The following LRP2 variants were observed in gnomAD, a reference collection of about 807,000 sequenced individuals.
LRP2 encodes the protein low-density lipoprotein receptor-related protein 2.
A neutral mutation model predicts 531.0 loss-of-function variants in LRP2; 172 were observed. The ratio of observed to expected loss-of-function variants is 0.32; its 90% confidence interval spans 0.29 to 0.37. LRP2 has a LOEUF of 0.37. LRP2 is among the 10% of genes least tolerant of loss of function. LRP2 has a pLI of 1.00. For synonymous variants in LRP2, 1,992 were observed against 2,027.6 expected (o/e 0.98, Z 0.47); for missense variants, 5,167 against 5,868.3 (o/e 0.88, Z 3.90).
intron 22 of LRP2, 112 bp downstream of exon 22, chr2:169,244,581 T>A: frequency 7.1e-7 from 1 of 1,406,250 alleles, no homozygotes; most frequent in Non-Finnish European, 1.0e-6. Context: ...ATAGAAGTAC[T>A]AAAGAGACAA....
In LRP2 at chr2:169,200,533, G is replaced by A. The variant is rs139566898; in HGVS notation, c.8452+1095C>T. Among the ~76,000 whole-genome samples, 1,107 of 151,884 alleles carry A rather than the reference G, an allele frequency of 7.3e-3. 10 individuals are homozygous for A. Among genetic ancestry groups the A allele is most frequent in the African/African-American group, 0.025 (1,051 of 41,414 alleles). ...CCATTGGCCTAAGTTTGGACAACTGGGCACCAAGAAAAAACAGTTGACAGC... is the reference window on the plus strand; with the variant it reads ...CCATTGGCCTAAGTTTGGACAACTGAGCACCAAGAAAAAACAGTTGACAGC... On this transcript the variant is annotated intron_variant, in intron 44 of 78. Transcript: ENST00000649046.
chr2:169,142,655 G>T lies in LRP2; in HGVS notation c.13108+19C>A. The T allele has an allele frequency of 1.2e-6, 2 of 1,613,178 alleles. No homozygotes were observed. The highest frequency in any genetic ancestry group is 2.2e-5 in the East Asian group (1 of 44,848). On this transcript the variant is annotated intron_variant, in intron 71 of 78. Transcript: ENST00000649046. The stretch of plus-strand genomic sequence containing the variant: ...GGAGTGCTCCCAGGCCCCCATAGCT[G>T]CTTGGGCAGTGCTCCTACCTGCATC...
In LRP2 at chr2:169,292,385, A is replaced by C. The variant is rs1684020354; in HGVS notation, c.653-16T>G. Reference sequence around the variant, plus strand: ...GTCGGATAGTCTGGAATAAAGCAACAGCTGCACTCCAAAGACACAAATCAC... The same window carrying C: ...GTCGGATAGTCTGGAATAAAGCAACCGCTGCACTCCAAAGACACAAATCAC... On this transcript the variant is annotated splice_polypyrimidine_tract_variant and intron_variant, in intron 6 of 78. Transcript: ENST00000649046. 6.7e-7 allele frequency: 1 copy of C among 1,489,898 alleles called. No homozygotes were observed. The highest frequency in any genetic ancestry group is 1.4e-5 in the African/African-American group (1 of 72,464). 92.3% of individuals were successfully genotyped at this position (1,489,898 alleles called of 1,614,324 possible). A position where few individuals can be genotyped will look rare whatever the true frequency, so the allele number is the denominator to read the frequency against.
At chr2:169,206,245 T>C (rs2105332436) in intron 39 of LRP2, 57 bp from the exon 40 acceptor site, 2 of 1,612,250 alleles carry the variant, frequency 1.2e-6, no homozygotes, top group Admixed American at 1.7e-5. Context: ...TAGAGTCTCA[T>C]ATGCATTAGA....
At chr2:169,183,453 T>G (rs759273176) in intron 50 of LRP2, among the ~76,000 whole-genome samples, 3 of 152,178 alleles carry the variant, frequency 2.0e-5, no homozygotes, top group Non-Finnish European at 4.4e-5. Context: ...ATGCCAGGCC[T>G]CAGACCAGGG....
rs1469575892 is a variant in LRP2 at position 169,156,402 on chromosome 2, A to T, written c.12023T>A (p.Ile4008Asn). 1 of 1,613,432 alleles carries T rather than the reference A, an allele frequency of 6.2e-7. No individual in the cohort carries two copies. The highest frequency in any genetic ancestry group is 1.7e-5 in the Admixed American group (1 of 59,964). The stretch of plus-strand genomic sequence containing the variant: ...AGTCCCAAATTGTTCACATTCATTG[A>T]TATCTGTAGGCAAAATAAAACCAAA... ...NVFDRTSCLD[I>N]NECEQFGTCP... The change falls in exon 65 of 79, where the codon ATC becomes AAC. Residue 4008 changes from isoleucine to asparagine, a missense_variant. This residue lies in a region of LRP2 where 564 missense variants were observed against 747.7 expected (regional missense o/e 0.75). Transcript: ENST00000649046.
chr2:169,272,269 G>A (rs1468237019), intron 15 of LRP2, among the ~76,000 whole-genome samples: 2 of 152,094 alleles, frequency 1.3e-5, no homozygotes, highest in African/African-American at 4.8e-5. Context: ...TGGCTTAAGT[G>A]TGAATAGATG....
chr2:169,162,355 C>G (rs942726923), intron 63 of LRP2, 117 bp downstream of exon 63: 20 of 1,249,448 alleles, frequency 1.6e-5, no homozygotes, highest in Admixed American at 1.0e-4. Context: ...GACTGGAATT[C>G]AAGCAAAAAG....
chr2:169,211,437 C>G (rs11689553), intron 37 of LRP2, among the ~76,000 whole-genome samples: 26,815 of 152,158 alleles, frequency 0.18, 3,184 homozygotes, highest in Admixed American at 0.33. Flanking sequence ...TAAAGAGGGA[C>G]TGACACTGTG....
chr2:169,216,236 T>C lies in LRP2; in HGVS notation c.5826+17A>G. On this transcript the variant is annotated intron_variant, in intron 35 of 78. Transcript: ENST00000649046. ...CAGCTCAGCATAAAGACCAAAAGAC[T>C]GAAAGGGTGCTCATACCACTCCTCT... is the stretch of plus-strand genomic sequence containing the variant. 6.2e-7 allele frequency: 1 copy of C among 1,612,928 alleles called. No individual in the cohort carries two copies. The highest frequency in any genetic ancestry group is 8.5e-7 in the Non-Finnish European group (1 of 1,179,324).
chr2:169,327,497 C>A (rs1350441200), intron 1 of LRP2, among the ~76,000 whole-genome samples: 1 of 124,964 alleles, frequency 8.0e-6, no homozygotes, highest in African/African-American at 3.2e-5. Flanking sequence ...GGGGGGTCAG[C>A]CCCCCGCCCG....
At chr2:169,288,840 A>G (rs1242243174) in intron 9 of LRP2, among the ~76,000 whole-genome samples, 186 bp downstream of exon 9, 1 of 152,148 alleles carries the variant, frequency 6.6e-6, no homozygotes, top group Admixed American at 6.5e-5. Flanking sequence ...TGCCTTGTAC[A>G]CCACACCAAA....
intron 9 of LRP2, 116 bp downstream of exon 9, chr2:169,288,910 T>C: frequency 6.6e-7 from 1 of 1,524,352 alleles, no homozygotes; most frequent in Non-Finnish European, 9.1e-7. Context: ...GGTTGCTCTT[T>C]GTTATGACAG....
At chr2:169,240,126 C>T (rs76838238) in intron 25 of LRP2, among the ~76,000 whole-genome samples, 6,334 of 152,242 alleles carry the variant, frequency 0.042, 355 homozygotes, top group African/African-American at 0.13. Context: ...AATTGTTTCT[C>T]GTTTTCTTCC....
At chr2:169,141,003 G>C (rs1009246525) in intron 71 of LRP2, among the ~76,000 whole-genome samples, 1 of 152,142 alleles carries the variant, frequency 6.6e-6, no homozygotes, top group African/African-American at 2.4e-5. Context: ...TACAGATATA[G>C]AGATATTTGA....
At position 169,168,650 on chromosome 2, in the gene LRP2, A is replaced by C; in HGVS notation, c.11524T>G (p.Cys3842Gly). ...CPTRFPDGAY[C>G]QATMFECKNH... ...TTGCATTCGAACATAGTAGCCTGGC[A>C]GTATGCACCATCAGGAAAGCGTGTG... is the stretch of plus-strand genomic sequence containing the variant. The change falls in exon 61 of 79, where the codon TGC becomes GGC. Residue 3842 changes from cysteine (C) to glycine (G), a missense_variant. Physicochemically the swap from Cys to Gly is radical, Grantham distance 159. Around this residue, in one of 6 missense-constraint regions of LRP2, gnomAD observed 564 missense variants for 747.7 expected, o/e 0.75. Coordinates refer to ENST00000649046, the MANE Select transcript of LRP2 (RefSeq NM_004525.3). 4 of 1,614,144 alleles carry C rather than the reference A, an allele frequency of 2.5e-6. No individual in the cohort carries two copies. The highest frequency in any genetic ancestry group is 3.4e-6 in the Non-Finnish European group (4 of 1,179,988).
chr2:169,134,416 C>T (rs895773391), intron 76 of LRP2, among the ~76,000 whole-genome samples: 10 of 152,182 alleles, frequency 6.6e-5, no homozygotes, highest in Non-Finnish European at 1.0e-4. Context: ...CACATTACTA[C>T]GGATACCACA....
rs548872172 is a variant in LRP2 at position 169,173,911 on chromosome 2, G to T, written c.11014+8C>A. ...TGGTCATGCCTTGGTCCTCCCACAG[G>T]AACTTACTGCATTCTTCAATGGGCT... On this transcript the variant is annotated splice_region_variant and intron_variant, in intron 56 of 78. Transcript: ENST00000649046. 3.1e-6 allele frequency: 5 copies of T among 1,614,000 alleles called. No individual in the cohort carries two copies. In the South Asian group the frequency reaches 5.5e-5, roughly 18 times the overall value.
In LRP2 at chr2:169,284,901, C is replaced by G. The variant is rs115519602; in HGVS notation, c.1043-1900G>C. Among the ~76,000 whole-genome samples, 257 of 152,276 alleles carry G rather than the reference C, an allele frequency of 1.7e-3. 1 individual carries two copies. The highest frequency in any genetic ancestry group is 5.8e-3 in the African/African-American group (241 of 41,550). ...CCACGTCTAAGGATCTGGAGTCACT[C>G]TAAGCAGAAGTTCTGATGTCAAACA... On this transcript the variant is annotated intron_variant, in intron 9 of 78. Transcript: ENST00000649046.
Sources: gnomAD v4.1 joint callset for allele counts (sites outside exome capture counted in the v4.1 genomes callset) on GRCh38, gnomAD v4.1.1 for gene constraint, gnomAD v4.1.1 regional missense constraint, MANE v1.5 for transcripts, NCBI Gene and HGNC (gene_info 2026-07-23, HGNC 2026-07-21) for gene names.